CDK5RAP1: variants seen among roughly 807,000 people sequenced by gnomAD.
CDK5RAP1 encodes mitochondrial tRNA methylthiotransferase CDK5RAP1.
CDK5RAP1 carries 62 observed loss-of-function variants against 64.5 expected under a neutral mutation model. The observed-to-expected ratio is 0.96, with a 90% CI of 0.78 to 1.19. The LOEUF (loss-of-function observed/expected upper bound fraction) is 1.19. Among genes scored for constraint, CDK5RAP1 ranks in the 50% most tolerant of loss-of-function variants. CDK5RAP1 has a pLI of 0.00. For synonymous variants in CDK5RAP1, 250 were observed against 261.9 expected (o/e 0.95, Z 0.44); for missense variants, 657 against 735.0 (o/e 0.89, Z 1.23).
At chr20:33,372,604 G>C in intron 10 of CDK5RAP1, 38 bp downstream of exon 10, 1 of 1,186,108 alleles carries the variant, frequency 8.4e-7, no homozygotes, top group East Asian at 2.7e-5. Flanking sequence ...GTCACTGGTA[G>C]AGTAACATGC....
Position 33,393,889 on chromosome 20 carries a change from G to A in CDK5RAP1, c.443+143C>T, listed in dbSNP as rs1271966117. 4.4e-6 allele frequency: 3 copies of A among 679,592 alleles called. No individual in the cohort carries two copies. The African/African-American group carries it at 5.3e-5, about 12-fold the overall frequency. The allele number at this position is 679,592 out of a possible 1,614,324, so 42.1% of individuals were successfully genotyped here. A position where few individuals can be genotyped will look rare whatever the true frequency, so the allele number is the denominator to read the frequency against. ...AGCCAATGTCAGCCAGTTGTATAAA[G>A]ACTATCTCCACTGTGGGAAAACTGC... On this transcript the variant is annotated intron_variant, in intron 4 of 13. Coordinates refer to ENST00000346416, the MANE Select transcript of CDK5RAP1 (RefSeq NM_016408.4).
chr20:33,396,950 T>C lies in CDK5RAP1; in HGVS notation c.115A>G (p.Thr39Ala). 1 of 1,614,150 alleles carries C rather than the reference T, an allele frequency of 6.2e-7. No homozygotes were observed. ...MCRAHSSLSS[T>A]MCPSPERQED... is the part of the protein sequence containing the mutation. ...TGCCTCTCTGGACTGGGACACATGGTACTAGAGAGACTGCTGTGTGCCCTG... is the reference window on the plus strand; with the variant it reads ...TGCCTCTCTGGACTGGGACACATGGCACTAGAGAGACTGCTGTGTGCCCTG... Residue 39 changes from threonine (T) to alanine (A), a missense_variant, in exon 2 of 14, where the codon ACC becomes GCC. Thr to Ala is a moderately conservative substitution (Grantham distance 58, BLOSUM62 0). Transcript: ENST00000346416.
intron 11 of CDK5RAP1, among the ~76,000 whole-genome samples, chr20:33,368,459 ATTTTTTTTT>A (rs35954744): frequency 3.0e-5 from 2 of 67,566 alleles, no homozygotes; most frequent in African/African-American, 1.2e-4. Context: ...CTCTCGGCTA[ATTTTTTTTT>A]TTTTTTTTTT....
chr20:33,401,206 G>A (rs1007884539), intron 1 of CDK5RAP1, among the ~76,000 whole-genome samples: 5 of 152,198 alleles, frequency 3.3e-5, no homozygotes, highest in Non-Finnish European at 7.3e-5. Flanking sequence ...GTGGCGAAGC[G>A]AAGCCTTGAA....
intron 8 of CDK5RAP1, among the ~76,000 whole-genome samples, chr20:33,378,996 A>G (rs1600748549): frequency 6.6e-6 from 1 of 151,864 alleles, no homozygotes. Flanking sequence ...CTCACCCAGG[A>G]TGGAGTGCAG....
At chr20:33,364,886 T>C (rs575104079) in intron 12 of CDK5RAP1, among the ~76,000 whole-genome samples, 2 of 151,432 alleles carry the variant, frequency 1.3e-5, no homozygotes, top group South Asian at 4.2e-4. Flanking sequence ...TTTTTTTTTT[T>C]TTTTGATACA....
chr20:33,396,112 A>G (rs1988876594), intron 2 of CDK5RAP1, among the ~76,000 whole-genome samples: 1 of 152,212 alleles, frequency 6.6e-6, no homozygotes, highest in African/African-American at 2.4e-5. Flanking sequence ...TCCTCAAAAT[A>G]AAGAGGTTTT....
intron 3 of CDK5RAP1, among the ~76,000 whole-genome samples, chr20:33,394,538 A>G (rs1030406829): frequency 1.3e-5 from 2 of 151,202 alleles, no homozygotes; most frequent in African/African-American, 4.9e-5. Flanking sequence ...CTGAAGAGCA[A>G]TAGCATAACC....
intron 7 of CDK5RAP1, 89 bp downstream of exon 7, chr20:33,385,561 T>G: frequency 6.7e-7 from 1 of 1,490,526 alleles, no homozygotes; most frequent in Non-Finnish European, 9.1e-7. Context: ...CTTTAATAAG[T>G]CAGAGACAGC....
chr20:33,385,808 G>C, intron 6 of CDK5RAP1, 38 bp from the exon 7 acceptor site: 1 of 1,590,714 alleles, frequency 6.3e-7, no homozygotes, highest in Non-Finnish European at 8.6e-7. Context: ...AACAGTAGCA[G>C]GGTGTGCTGG....
intron 10 of CDK5RAP1, 54 bp from the exon 11 acceptor site, chr20:33,370,683 G>A (rs2146612237): frequency 3.1e-6 from 5 of 1,599,572 alleles, no homozygotes; most frequent in East Asian, 4.5e-5. Flanking sequence ...ACCTTCAAGG[G>A]AGGCCTTCAG....
intron 7 of CDK5RAP1, among the ~76,000 whole-genome samples, chr20:33,384,249 T>C (rs1987137466): frequency 6.6e-6 from 1 of 152,236 alleles, no homozygotes; most frequent in South Asian, 2.1e-4. Context: ...AAGTAAAATC[T>C]TAATTTTCCA....
Position 33,364,350 on chromosome 20 carries a change from G to A in CDK5RAP1, c.1542+2509C>T, listed in dbSNP as rs112518936. Among the ~76,000 whole-genome samples, 633 of 151,524 alleles carry A rather than the reference G, an allele frequency of 4.2e-3. 6 individuals are homozygous for A. The highest frequency in any genetic ancestry group is 0.017 in the Middle Eastern group (5 of 290). ...ATTACAGGTGCCTGCCACCACACTT[G>A]GCTAATTTTTGTATTTTTAGTAGAG... On this transcript the variant is annotated intron_variant, in intron 12 of 13. Coordinates refer to ENST00000346416, the MANE Select transcript of CDK5RAP1 (RefSeq NM_016408.4).
At chr20:33,385,240 G>C (rs1424850096) in intron 7 of CDK5RAP1, among the ~76,000 whole-genome samples, 1 of 152,174 alleles carries the variant, frequency 6.6e-6, no homozygotes, top group Non-Finnish European at 1.5e-5. Flanking sequence ...TCCTGGAAGA[G>C]ACAAATTCAT....
At chr20:33,393,198 T>A (rs1414371284) in intron 4 of CDK5RAP1, among the ~76,000 whole-genome samples, 3 of 151,894 alleles carry the variant, frequency 2.0e-5, no homozygotes, top group African/African-American at 7.3e-5. Context: ...CTTTTATTTT[T>A]CTTTGTAGAT....
chr20:33,381,218 A>AT (rs11481884), intron 7 of CDK5RAP1, among the ~76,000 whole-genome samples: 102,195 of 151,514 alleles, frequency 0.67, 34,577 homozygotes, highest in Admixed American at 0.74. Context: ...ATATGACTAC[A>AT]TTTTTTTTAA....
rs1263834885 is a variant in CDK5RAP1, at chr20:33,369,292, G to C, written c.1392+1207C>G. On this transcript the variant is annotated intron_variant, in intron 11 of 13. Coordinates refer to ENST00000346416, the MANE Select transcript of CDK5RAP1 (RefSeq NM_016408.4). ...AGGTCAGGAGATTGAGACCATCCTGGCTAATGCGGTGAAACCCCGTCTCTA... is the reference window on the plus strand; with the variant it reads ...AGGTCAGGAGATTGAGACCATCCTGCCTAATGCGGTGAAACCCCGTCTCTA... Among the ~76,000 whole-genome samples the C allele has an allele frequency of 2.6e-5, 4 of 152,124 alleles. No homozygotes were observed. The East Asian group carries it at 7.7e-4, about 29-fold the overall frequency.
intron 7 of CDK5RAP1, among the ~76,000 whole-genome samples, chr20:33,380,176 G>A (rs529744069): frequency 6.6e-6 from 1 of 152,276 alleles, no homozygotes; most frequent in East Asian, 1.9e-4. Flanking sequence ...AAAAGTTAAT[G>A]CATCATTTAA....
chr20:33,399,873 C>T (rs1223807523), intron 1 of CDK5RAP1, among the ~76,000 whole-genome samples: 1 of 151,884 alleles, frequency 6.6e-6, no homozygotes, highest in Non-Finnish European at 1.5e-5. Flanking sequence ...GTTGTCTCTA[C>T]AACAAATTAA....
Sources: gnomAD v4.1 joint callset for allele counts (sites outside exome capture counted in the v4.1 genomes callset) on GRCh38, gnomAD v4.1.1 for gene constraint, MANE v1.5 for transcripts, NCBI Gene and HGNC (gene_info 2026-07-23, HGNC 2026-07-21) for gene names.